The following MYO1D variants were observed in gnomAD, a reference collection of about 807,000 sequenced individuals.
MYO1D encodes myosin ID, also known as unconventional myosin-Id.
Under a neutral mutation model 122.0 loss-of-function variants are expected in MYO1D, and 83 were observed. The observed-to-expected ratio is 0.68, with a 90% CI of 0.57 to 0.82. The LOEUF (loss-of-function observed/expected upper bound fraction) is 0.82, where lower values mean the gene tolerates loss of function less well. Among genes scored for constraint, MYO1D ranks in the 40% least tolerant of loss-of-function variants. The pLI, the probability that MYO1D is intolerant of heterozygous loss-of-function variation, is 0.00. For synonymous variants in MYO1D, 464 were observed against 446.9 expected (o/e 1.04, Z -0.48); for missense variants, 1,157 against 1,269.5 (o/e 0.91, Z 1.35).
intron 16 of MYO1D, among the ~76,000 whole-genome samples, chr17:32,661,161 T>A (rs1459899924): frequency 6.6e-6 from 1 of 152,092 alleles, no homozygotes; most frequent in Non-Finnish European, 1.5e-5. Flanking sequence ...ATAAAGGGGG[T>A]CTTTTCTGAC....
intron 19 of MYO1D, among the ~76,000 whole-genome samples, chr17:32,646,189 AT>A (rs1264117292): frequency 1.3e-5 from 2 of 152,184 alleles, no homozygotes; most frequent in Admixed American, 1.3e-4. Flanking sequence ...TTAACCCAGT[AT>A]TTACAAAATA....
At chr17:32,599,333 A>G (rs914706742) in intron 21 of MYO1D, among the ~76,000 whole-genome samples, 1 of 152,124 alleles carries the variant, frequency 6.6e-6, no homozygotes, top group Non-Finnish European at 1.5e-5. Flanking sequence ...CATCTATTCA[A>G]GTTTTATCAT....
chr17:32,731,153 C>G (rs183106729), intron 14 of MYO1D, among the ~76,000 whole-genome samples: 1 of 152,134 alleles, frequency 6.6e-6, no homozygotes, highest in African/African-American at 2.4e-5. Flanking sequence ...GTGATCTGCT[C>G]GCCTCGGCCT....
At chr17:32,659,454 A>G in intron 16 of MYO1D, 116 bp from the exon 17 acceptor site, 1 of 1,032,690 alleles carries the variant, frequency 9.7e-7, no homozygotes, top group Admixed American at 2.1e-5. Context: ...GCAAGTGTGC[A>G]CAAAAATCAG....
chr17:32,703,848 C>T (rs2089276132), intron 16 of MYO1D, among the ~76,000 whole-genome samples: 1 of 151,970 alleles, frequency 6.6e-6, no homozygotes, highest in South Asian at 2.1e-4. Context: ...TCAGGATTTC[C>T]CCAGCCATGC....
chr17:32,564,173 C>T (rs1056789291), intron 21 of MYO1D, among the ~76,000 whole-genome samples: 2 of 152,228 alleles, frequency 1.3e-5, no homozygotes, highest in Non-Finnish European at 2.9e-5. Context: ...TGCCTGGGGG[C>T]AGTAAGCAGA....
At chr17:32,513,151 C>T (rs1334146992) in intron 21 of MYO1D, among the ~76,000 whole-genome samples, 1 of 152,168 alleles carries the variant, frequency 6.6e-6, no homozygotes, top group Non-Finnish European at 1.5e-5. Context: ...GTGTGGTATA[C>T]AGTAGGTGCT....
intron 1 of MYO1D, among the ~76,000 whole-genome samples, chr17:32,803,993 G>T (rs914889884): frequency 6.6e-5 from 10 of 152,166 alleles, no homozygotes; most frequent in Non-Finnish European, 1.2e-4. Context: ...AGGCTGAATG[G>T]AAGATTTATC....
intron 1 of MYO1D, among the ~76,000 whole-genome samples, chr17:32,813,184 A>G (rs9913187): frequency 0.036 from 5,470 of 152,306 alleles, 322 homozygotes; most frequent in African/African-American, 0.12. Context: ...AAAAAAGACT[A>G]GGTTCTTACA....
chr17:32,762,898 C>CA (rs972012674), intron 8 of MYO1D, among the ~76,000 whole-genome samples: 4 of 138,714 alleles, frequency 2.9e-5, no homozygotes, highest in Non-Finnish European at 6.2e-5. Context: ...AAAAAAAAGA[C>CA]AAAAAAACGG....
intron 6 of MYO1D, among the ~76,000 whole-genome samples, chr17:32,769,803 A>G (rs2090095873): frequency 6.6e-6 from 1 of 151,734 alleles, no homozygotes; most frequent in South Asian, 2.1e-4. Flanking sequence ...AAAAAAAAAA[A>G]GGTGGGGAAA....
chr17:32,557,188 G>A (rs952716351), intron 21 of MYO1D, among the ~76,000 whole-genome samples: 1 of 150,990 alleles, frequency 6.6e-6, no homozygotes, highest in Non-Finnish European at 1.5e-5. Flanking sequence ...GCGTGATCTC[G>A]GCTCACTGCA....
intron 16 of MYO1D, among the ~76,000 whole-genome samples, chr17:32,695,532 A>C (rs2089161103): frequency 2.0e-5 from 3 of 152,200 alleles, no homozygotes; most frequent in Non-Finnish European, 4.4e-5. Flanking sequence ...AACTGACCAC[A>C]CCACTTCTCT....
chr17:32,851,039 T>C (rs908101459), intron 1 of MYO1D, among the ~76,000 whole-genome samples: 3 of 152,042 alleles, frequency 2.0e-5, no homozygotes, highest in African/African-American at 7.3e-5. Context: ...GGTTGACCAA[T>C]TGGAAACTCT....
intron 20 of MYO1D, among the ~76,000 whole-genome samples, chr17:32,638,378 C>T (rs957118549): frequency 1.3e-5 from 2 of 152,076 alleles, no homozygotes; most frequent in Non-Finnish European, 1.5e-5. Flanking sequence ...TTTAAGTAAT[C>T]CCCTACCGAT....
intron 21 of MYO1D, among the ~76,000 whole-genome samples, chr17:32,564,251 G>T (rs898276842): frequency 1.3e-5 from 2 of 152,174 alleles, no homozygotes; most frequent in African/African-American, 2.4e-5. Flanking sequence ...TGATCCATAT[G>T]GGCTGAGAAG....
At chr17:32,595,041 T>C (rs1182080577) in intron 21 of MYO1D, among the ~76,000 whole-genome samples, 1 of 152,210 alleles carries the variant, frequency 6.6e-6, no homozygotes, top group Non-Finnish European at 1.5e-5. Flanking sequence ...ATTTAATATC[T>C]TGAAATGCCT....
chr17:32,519,567 C>A (rs1034607491), intron 21 of MYO1D, among the ~76,000 whole-genome samples: 1 of 151,834 alleles, frequency 6.6e-6, no homozygotes, highest in East Asian at 1.9e-4. Context: ...AAGCCGCTGC[C>A]CGAGCCCGAG....
rs2150967343 is a variant in MYO1D, at chr17:32,681,741, G to A, written c.2122-22403C>T. ...ATGTATATTCTGTTGATTTGGGTTG[G>A]AGAGTTCTGTAGATGTCTATTAGGT... On this transcript the variant is annotated intron_variant, in intron 16 of 21. Transcript: ENST00000318217. Among the ~76,000 whole-genome samples, 2 of 145,086 alleles carry A rather than the reference G, an allele frequency of 1.4e-5. 1 individual carries two copies. Among genetic ancestry groups the A allele is most frequent in the Middle Eastern group, 7.0e-3 (2 of 284 alleles).
Sources: gnomAD v4.1 joint callset for allele counts (sites outside exome capture counted in the v4.1 genomes callset) on GRCh38, gnomAD v4.1.1 for gene constraint, MANE v1.5 for transcripts, NCBI Gene and HGNC (gene_info 2026-07-23, HGNC 2026-07-21) for gene names.